The following CD36 variants were observed in gnomAD, a reference collection of about 807,000 sequenced individuals.
The protein encoded by CD36 is platelet glycoprotein 4.
In CD36, 119 loss-of-function variants were observed where a neutral mutation model predicts 55.2. That is an observed-to-expected ratio of 2.15 (90% CI 1.86 to 2.51). The LOEUF is 2.51. Among genes scored for constraint, CD36 ranks in the 30% most tolerant of loss-of-function variants. CD36 has a pLI of 0.00. For missense variants in CD36, 819 were observed against 555.5 expected (o/e 1.47, Z -4.77); for synonymous variants, 186 against 193.6 (o/e 0.96, Z 0.33).
At chr7:80,640,149 T>C (rs566948131) in intron 1 of CD36, among the ~76,000 whole-genome samples, 1 of 152,126 alleles carries the variant, frequency 6.6e-6, no homozygotes, top group Admixed American at 6.6e-5. Flanking sequence ...TCAGAAGATG[T>C]TTTTGTTCAC....
intron 7 of CD36, among the ~76,000 whole-genome samples, chr7:80,665,421 G>A (rs888587167): frequency 1.3e-5 from 2 of 152,014 alleles, no homozygotes; most frequent in Non-Finnish European, 2.9e-5. Context: ...ACCTCAAACT[G>A]AGTCTATCTA....
intron 4 of CD36, among the ~76,000 whole-genome samples, chr7:80,657,218 A>T (rs2116590859): frequency 6.6e-6 from 1 of 152,268 alleles, no homozygotes; most frequent in African/African-American, 2.4e-5. Context: ...ATCCCAGACC[A>T]AATGAATGAA....
intron 1 of CD36, among the ~76,000 whole-genome samples, chr7:80,623,695 A>T (rs1318380442): frequency 1.3e-5 from 2 of 152,180 alleles, no homozygotes; most frequent in Non-Finnish European, 2.9e-5. Flanking sequence ...AAACTGGAAT[A>T]TTCACTGATG....
intron 1 of CD36, among the ~76,000 whole-genome samples, chr7:80,619,127 T>C (rs1402164035): frequency 6.6e-6 from 1 of 152,146 alleles, no homozygotes; most frequent in East Asian, 1.9e-4. Flanking sequence ...CAAAGTCTAC[T>C]TTGCTTGAGC....
At chr7:80,656,501 C>G in intron 3 of CD36, 39 bp from the exon 4 acceptor site, 1 of 1,598,240 alleles carries the variant, frequency 6.3e-7, no homozygotes, top group Non-Finnish European at 8.6e-7. Context: ...CCTGTACTTA[C>G]TACAAAGACA....
At chr7:80,645,267 G>A (rs925387964) in intron 1 of CD36, among the ~76,000 whole-genome samples, 5 of 150,766 alleles carry the variant, frequency 3.3e-5, no homozygotes, top group Non-Finnish European at 3.0e-5. Context: ...TGATCCACCC[G>A]CCTCAGCCTT....
intron 1 of CD36, among the ~76,000 whole-genome samples, chr7:80,616,653 A>C (rs1793176952): frequency 6.6e-6 from 1 of 152,294 alleles, no homozygotes; most frequent in African/African-American, 2.4e-5. Flanking sequence ...AAAGTCCAAA[A>C]GAAGCAGTTT....
intron 1 of CD36, among the ~76,000 whole-genome samples, chr7:80,609,732 A>G (rs2115751488): frequency 6.6e-6 from 1 of 152,378 alleles, no homozygotes; most frequent in Middle Eastern, 3.4e-3. Flanking sequence ...CTATGATAGC[A>G]GAATAATTTC....
intron 1 of CD36, among the ~76,000 whole-genome samples, chr7:80,626,960 C>G (rs533760707): frequency 6.6e-6 from 1 of 152,172 alleles, no homozygotes; most frequent in East Asian, 1.9e-4. Flanking sequence ...CATCTTATCT[C>G]CCTATTGATT....
intron 1 of CD36, among the ~76,000 whole-genome samples, chr7:80,629,165 C>A (rs993878943): frequency 6.6e-6 from 1 of 152,056 alleles, no homozygotes; most frequent in Non-Finnish European, 1.5e-5. Flanking sequence ...ACTCTTCCGG[C>A]ACAGGTGGAT....
At chr7:80,634,888 A>G (rs1794294405), upstream of CD36, among the ~76,000 whole-genome samples, 1 of 152,106 alleles carries the variant, frequency 6.6e-6, no homozygotes, top group African/African-American at 2.4e-5. Flanking sequence ...TTTATGGAAT[A>G]AAAATGTAAA....
chr7:80,672,140 A>G, intron 11 of CD36, 100 bp downstream of exon 11: 1 of 961,816 alleles, frequency 1.0e-6, no homozygotes, highest in Non-Finnish European at 1.6e-6. Flanking sequence ...ATAAATAATC[A>G]TATTTATTGA....
chr7:80,627,605 T>C (rs1429175787), intron 1 of CD36, among the ~76,000 whole-genome samples: 2 of 151,766 alleles, frequency 1.3e-5, no homozygotes, highest in Non-Finnish European at 2.9e-5. Context: ...TAGATTGGCA[T>C]GTAAAAAAAA....
chr7:80,653,999 C>T (rs904243485), intron 3 of CD36, among the ~76,000 whole-genome samples: 2 of 152,092 alleles, frequency 1.3e-5, no homozygotes, highest in Non-Finnish European at 2.9e-5. Context: ...ACCCATTTTC[C>T]ACCTCTAAAA....
intron 1 of CD36, among the ~76,000 whole-genome samples, chr7:80,617,403 G>T (rs1793226610): frequency 6.6e-6 from 1 of 151,928 alleles, no homozygotes; most frequent in Admixed American, 6.6e-5. Flanking sequence ...TAAAATATAT[G>T]TATCCTCAAA....
chr7:80,636,532 C>CAAA (rs5885186), upstream of CD36, among the ~76,000 whole-genome samples: 658 of 124,558 alleles, frequency 5.3e-3, 7 homozygotes, highest in African/African-American at 0.018. Flanking sequence ...TGATCTCTTG[C>CAAA]AAAAAAAAAA....
rs542383650 is a variant in CD36, at chr7:80,606,173, G to A, written c.-184+3794G>A. Among the ~76,000 whole-genome samples, 80 of 152,068 alleles carry A rather than the reference G, an allele frequency of 5.3e-4. No homozygotes were observed. In the Middle Eastern group the frequency reaches 0.014, roughly 26 times the overall value. ...TAAAATTTTAAGAATTTTGAATCAC[G>A]TAAATAACTTAGATACATTTCTTTC... On this transcript the variant is annotated intron_variant, in intron 1 of 13. Coordinates refer to the CD36 transcript ENST00000309881.
At chr7:80,633,076 T>G (rs2116136984) in intron 1 of CD36, 1 of 152,188 alleles carries the variant, frequency 6.6e-6, no homozygotes, top group Non-Finnish European at 1.5e-5. Flanking sequence ...TGTTTCTGTT[T>G]TTTCCTCGAA....
At chr7:80,639,430 G>C (rs1473050321) in intron 1 of CD36, among the ~76,000 whole-genome samples, 3 of 151,324 alleles carry the variant, frequency 2.0e-5, no homozygotes, top group Non-Finnish European at 4.4e-5. Flanking sequence ...ATTTTTTTTC[G>C]ATTCAGGAAG....
Sources: gnomAD v4.1 joint callset for allele counts (sites outside exome capture counted in the v4.1 genomes callset) on GRCh38, gnomAD v4.1.1 for gene constraint, MANE v1.5 for transcripts, NCBI Gene and HGNC (gene_info 2026-07-23, HGNC 2026-07-21) for gene names.